The following ATP10B variants were observed in gnomAD, a reference collection of about 807,000 sequenced individuals.
The protein encoded by ATP10B is phospholipid-transporting ATPase VB.
A neutral mutation model predicts 141.2 loss-of-function variants in ATP10B; 122 were observed. The ratio of observed to expected loss-of-function variants is 0.86; its 90% CI spans 0.75 to 1.00. The LOEUF is 1.00. Among genes scored for constraint, ATP10B ranks in the 50% least tolerant of loss-of-function variants. ATP10B has a pLI of 0.00. For missense variants in ATP10B, 1,876 were observed against 1,825.3 expected, an observed-to-expected ratio of 1.03 and a Z score of -0.51; for synonymous variants, 685 against 692.0, an observed-to-expected ratio of 0.99 and a Z score of 0.16.
At chr5:160,921,580 A>G in the ATP10B span, among the ~76,000 whole-genome samples, 6 of 152,206 alleles carry the variant, frequency 3.9e-5, no homozygotes, top group African/African-American at 1.4e-4. Context: ...GAGTTTATAC[A>G]TGTTGCTCTG....
chr5:160,917,996 C>T, the ATP10B span, among the ~76,000 whole-genome samples: 2 of 152,226 alleles, frequency 1.3e-5, no homozygotes, highest in Non-Finnish European at 2.9e-5. Context: ...CAAGGTTTAT[C>T]TGCACAGTCA....
intron 21 of ATP10B, among the ~76,000 whole-genome samples, chr5:160,599,738 TCTCA>T (rs1032151082): frequency 2.0e-5 from 3 of 152,232 alleles, no homozygotes; most frequent in African/African-American, 7.2e-5. Flanking sequence ...TAAAGCTCTT[TCTCA>T]CTCAAGATCT....
At chr5:160,578,339 C>T (rs374536303) in intron 24 of ATP10B, among the ~76,000 whole-genome samples, 6 of 152,218 alleles carry the variant, frequency 3.9e-5, no homozygotes, top group East Asian at 3.9e-4. Flanking sequence ...GCTATCCCTC[C>T]CCTAGCACCA....
At chr5:160,625,037 A>G (rs1162020241) in intron 13 of ATP10B, among the ~76,000 whole-genome samples, 1 of 152,210 alleles carries the variant, frequency 6.6e-6, no homozygotes, top group Non-Finnish European at 1.5e-5. Flanking sequence ...TAGTACATCC[A>G]TGGCCTCGTT....
At chr5:160,666,317 GC>G (rs915420504) in intron 7 of ATP10B, among the ~76,000 whole-genome samples, 1 of 152,098 alleles carries the variant, frequency 6.6e-6, no homozygotes, top group African/African-American at 2.4e-5. Context: ...ACAGAAGGAT[GC>G]ATATATATTG....
At chr5:160,895,854 G>C in the ATP10B span, among the ~76,000 whole-genome samples, 1 of 152,160 alleles carries the variant, frequency 6.6e-6, no homozygotes, top group Non-Finnish European at 1.5e-5. Context: ...CAGTCTCTTA[G>C]ACCACAGTGG....
chr5:160,727,632 C>T (rs191800972), intron 2 of ATP10B, among the ~76,000 whole-genome samples: 2 of 152,092 alleles, frequency 1.3e-5, no homozygotes, highest in African/African-American at 2.4e-5. Flanking sequence ...TTGGGTCCCA[C>T]GGTATCAGCT....
chr5:160,645,304 C>T (rs898727559), intron 8 of ATP10B, among the ~76,000 whole-genome samples: 1 of 152,168 alleles, frequency 6.6e-6, no homozygotes, highest in Non-Finnish European at 1.5e-5. Context: ...TTCTGGGGAC[C>T]TGAACTGCAG....
the ATP10B span, among the ~76,000 whole-genome samples, chr5:160,887,444 C>T: frequency 6.6e-6 from 1 of 152,090 alleles, no homozygotes; most frequent in Non-Finnish European, 1.5e-5. Flanking sequence ...AGGTTCAGAA[C>T]CCATGGATAT....
intron 1 of ATP10B, among the ~76,000 whole-genome samples, chr5:160,826,223 C>G (rs1184103213): frequency 2.6e-5 from 4 of 152,150 alleles, no homozygotes; most frequent in African/African-American, 7.2e-5. Flanking sequence ...AAGTTTTGAG[C>G]AATCTCCAAA....
At chr5:160,773,497 C>T (rs984950245) in intron 2 of ATP10B, among the ~76,000 whole-genome samples, 1 of 152,154 alleles carries the variant, frequency 6.6e-6, no homozygotes, top group East Asian at 1.9e-4. Context: ...GATACTAATA[C>T]TACTAAGAAG....
intron 24 of ATP10B, among the ~76,000 whole-genome samples, chr5:160,587,840 CTTTTA>C (rs902457664): frequency 6.6e-6 from 1 of 151,104 alleles, no homozygotes; most frequent in African/African-American, 2.5e-5. Flanking sequence ...CTTAGATAAT[CTTTTA>C]TTTTTTCTTT....
chr5:160,802,785 G>A (rs1375578890), intron 1 of ATP10B, among the ~76,000 whole-genome samples: 1 of 152,216 alleles, frequency 6.6e-6, no homozygotes, highest in Non-Finnish European at 1.5e-5. Flanking sequence ...AACCGCTGCT[G>A]TGTCAGGATT....
In ATP10B at chr5:160,686,224, A is replaced by G. The variant is rs753686800; in HGVS notation, c.325T>C (p.Ser109Pro). Residue 109 changes from serine (S) to proline (P), a missense_variant, in exon 6 of 26, where the codon TCC (serine) becomes CCC (proline). Coordinates refer to ENST00000327245, the MANE Select transcript of ATP10B (RefSeq NM_025153.3). ...ATTTCTCTGTGGAAGACTTCCATGG[A>G]GGGCATCCAGTTCAAAATCACCAGG... ...LFLVILNWMP[S>P]MEVFHREITM... is the part of the protein sequence containing the mutation. 1.9e-6 allele frequency: 3 copies of G among 1,609,964 alleles called. No individual in the cohort carries two copies. Among genetic ancestry groups the G allele is most frequent in the Non-Finnish European group, 2.5e-6 (3 of 1,177,304 alleles).
At chr5:160,724,892 C>T (rs74536193) in intron 2 of ATP10B, among the ~76,000 whole-genome samples, 1,951 of 152,300 alleles carry the variant, frequency 0.013, 22 homozygotes, top group Non-Finnish European at 0.019. Context: ...AAGCATTTAT[C>T]ATCTGATGTA....
rs559077729 is a variant in ATP10B, at chr5:160,743,944, C to T, written c.-330-26910G>A. Among the ~76,000 whole-genome samples, 4 of 152,122 alleles carry T rather than the reference C, an allele frequency of 2.6e-5. No homozygotes were observed. In the South Asian group the frequency reaches 6.2e-4, roughly 24 times the overall value. ...ATCCTATAATACCCAGGGCAAGCTCCCACAACAAAGAATTAACCAGTCCAA... is the reference window on the plus strand; with the variant it reads ...ATCCTATAATACCCAGGGCAAGCTCTCACAACAAAGAATTAACCAGTCCAA... On this transcript the variant is annotated intron_variant, in intron 2 of 25. Transcript: ENST00000327245.
chr5:160,758,942 G>T (rs1768835004), intron 2 of ATP10B, among the ~76,000 whole-genome samples: 1 of 152,180 alleles, frequency 6.6e-6, no homozygotes, highest in Non-Finnish European at 1.5e-5. Context: ...CATGGTACAT[G>T]ATTTTCTTGG....
intron 13 of ATP10B, among the ~76,000 whole-genome samples, chr5:160,622,912 A>G (rs1414707225): frequency 2.7e-5 from 4 of 149,836 alleles, no homozygotes; most frequent in Non-Finnish European, 4.4e-5. Context: ...GTTGCCTCTC[A>G]CCTTTTTTTT....
intron 2 of ATP10B, among the ~76,000 whole-genome samples, chr5:160,766,373 CACACACACACAGA>C (rs1386301023): frequency 1.7e-5 from 2 of 119,906 alleles, no homozygotes; most frequent in African/African-American, 6.2e-5. Flanking sequence ...CACACACACA[CACACACACACAGA>C]CACTCACCAT....
Sources: allele counts gnomAD v4.1 joint callset (sites outside exome capture counted in the v4.1 genomes callset), GRCh38; gene constraint gnomAD v4.1.1; transcripts MANE v1.5; gene names NCBI Gene and HGNC (gene_info 2026-07-23, HGNC 2026-07-21).